The following RASEF variants were observed in gnomAD, a reference collection of about 807,000 sequenced individuals.
The protein encoded by RASEF is ras and EF-hand domain-containing protein.
In RASEF, 68 loss-of-function variants were observed where a neutral mutation model predicts 90.1. The ratio of observed to expected loss-of-function variants is 0.75; its 90% CI spans 0.62 to 0.92. RASEF has a LOEUF of 0.92. Ranked by LOEUF, RASEF falls within the 40% of genes least tolerant of loss-of-function variation. The pLI, the probability that RASEF is intolerant of heterozygous loss-of-function variation, is 0.00. For missense variants in RASEF, 949 were observed against 937.2 expected (o/e 1.01, Z -0.16); for synonymous variants, 331 against 345.2 (o/e 0.96, Z 0.46).
chr9:83,201,016 A>C, the RASEF span: 1 of 152,258 alleles, frequency 6.6e-6, no homozygotes, highest in African/African-American at 2.4e-5. Context: ...TGATCAAAGG[A>C]TCTAACAGAG....
intron 1 of RASEF, among the ~76,000 whole-genome samples, chr9:83,046,038 AAC>A (rs1039833673): frequency 2.6e-5 from 4 of 151,940 alleles, no homozygotes; most frequent in African/African-American, 9.7e-5. Context: ...AAAAAAAAAA[AAC>A]CCTGCAAAAT....
chr9:83,195,324 A>G, the RASEF span, among the ~76,000 whole-genome samples: 1 of 152,174 alleles, frequency 6.6e-6, no homozygotes, highest in Non-Finnish European at 1.5e-5. Context: ...TCTCTCTCCA[A>G]TATGCCTGAC....
Position 82,980,961 on chromosome 9 carries a change from G to C in RASEF, c.*1716C>G, listed in dbSNP as rs546917930. On this transcript the variant is annotated 3_prime_UTR_variant, in exon 17 of 17. Coordinates refer to ENST00000376447, the MANE Select transcript of RASEF (RefSeq NM_152573.4). Reference sequence around the variant, plus strand: ...TTTATAAAAGTTAAATGATGTTGTAGCTATTTATAATCTTTGCCTGTAACT... The same window carrying C: ...TTTATAAAAGTTAAATGATGTTGTACCTATTTATAATCTTTGCCTGTAACT... The C allele has an allele frequency of 1.2e-4, 18 of 152,140 alleles. No homozygotes were observed. The highest frequency in any genetic ancestry group is 1.5e-4 in the Non-Finnish European group (10 of 68,040). The allele number at this position is 152,140 out of a possible 1,614,324, so 9.4% of individuals were successfully genotyped here. A position where few individuals can be genotyped will look rare whatever the true frequency, so the allele number is the denominator to read the frequency against.
the RASEF span, among the ~76,000 whole-genome samples, chr9:83,089,897 GATA>G: frequency 2.1e-4 from 4 of 18,794 alleles, no homozygotes; most frequent in South Asian, 2.0e-3. Flanking sequence ...ATAGATGATA[GATA>G]GATAGATAGA....
intron 3 of RASEF, among the ~76,000 whole-genome samples, chr9:83,017,321 TAAA>T (rs1174147161): frequency 3.9e-5 from 5 of 128,206 alleles, no homozygotes; most frequent in Admixed American, 1.6e-4. Flanking sequence ...TCGTCTCTAC[TAAA>T]AAAAAAAAAA....
At chr9:83,216,022 C>A in the RASEF span, among the ~76,000 whole-genome samples, 1 of 152,116 alleles carries the variant, frequency 6.6e-6, no homozygotes, top group Non-Finnish European at 1.5e-5. Context: ...TGCCCCTGCC[C>A]CAGAGATCTG....
intron 6 of RASEF, among the ~76,000 whole-genome samples, chr9:83,009,074 T>C (rs1829190971): frequency 6.6e-6 from 1 of 150,848 alleles, no homozygotes; most frequent in South Asian, 2.1e-4. Context: ...CTGATTAAAG[T>C]TTGCAAACAA....
intron 1 of RASEF, among the ~76,000 whole-genome samples, chr9:83,038,825 A>T (rs990067523): frequency 1.3e-5 from 2 of 152,204 alleles, no homozygotes; most frequent in African/African-American, 4.8e-5. Context: ...TTCTCAAACA[A>T]GTCCTGGTTT....
chr9:83,128,324 T>C, the RASEF span, among the ~76,000 whole-genome samples: 2,196 of 152,268 alleles, frequency 0.014, 59 homozygotes, highest in African/African-American at 0.05. Flanking sequence ...ATCCTCAGAC[T>C]GGATTGAGAA....
the RASEF span, among the ~76,000 whole-genome samples, chr9:83,166,558 C>G: frequency 6.6e-6 from 1 of 152,170 alleles, no homozygotes; most frequent in Non-Finnish European, 1.5e-5. Context: ...AGAACCCAGA[C>G]AGCCGGGGTG....
At chr9:83,214,482 G>C in the RASEF span, among the ~76,000 whole-genome samples, 2 of 152,158 alleles carry the variant, frequency 1.3e-5, no homozygotes, top group Non-Finnish European at 2.9e-5. Flanking sequence ...TTAAATCCCA[G>C]GTCTACCATG....
the RASEF span, among the ~76,000 whole-genome samples, chr9:83,193,251 C>A: frequency 6.6e-6 from 1 of 152,154 alleles, no homozygotes; most frequent in African/African-American, 2.4e-5. Context: ...CATAGACCTA[C>A]ACTAGGGCAA....
intron 5 of RASEF, 139 bp downstream of exon 5, chr9:83,012,295 A>G: frequency 2.0e-6 from 1 of 493,608 alleles, no homozygotes; most frequent in Non-Finnish European, 3.6e-6. Flanking sequence ...AGTATCTTTG[A>G]TCAAAGTTAT....
the RASEF span, among the ~76,000 whole-genome samples, chr9:83,211,532 A>G: frequency 1.3e-5 from 2 of 152,232 alleles, no homozygotes; most frequent in African/African-American, 2.4e-5. Flanking sequence ...AGAACATTTC[A>G]TCTAGGCTGG....
chr9:82,987,345 C>A (rs758383073), intron 16 of RASEF, among the ~76,000 whole-genome samples: 5 of 152,118 alleles, frequency 3.3e-5, no homozygotes, highest in Non-Finnish European at 7.4e-5. Context: ...AAAACAAAAA[C>A]CTCTATGATA....
chr9:82,998,623 C>T lies in RASEF; in HGVS notation c.1724-177G>A, dbSNP rs528356468. 2.1e-4 allele frequency among the ~76,000 whole-genome samples: 32 copies of T among 152,290 alleles called. No homozygotes were observed. In the East Asian group the frequency reaches 2.1e-3, roughly 10 times the overall value. ...AATAGGAATGACAAGTCAGACCACACGTGTGTGCAGAGGCACCATCTGCAG... is the reference window on the plus strand; with the variant it reads ...AATAGGAATGACAAGTCAGACCACATGTGTGTGCAGAGGCACCATCTGCAG... On this transcript the variant is annotated intron_variant, in intron 12 of 16. Transcript: ENST00000376447.
chr9:83,191,825 A>C, the RASEF span, among the ~76,000 whole-genome samples: 1 of 152,214 alleles, frequency 6.6e-6, no homozygotes, highest in Admixed American at 6.5e-5. Flanking sequence ...ACGTTAGGGA[A>C]AGTTGGATGA....
At chr9:83,104,166 TAATATC>T in the RASEF span, among the ~76,000 whole-genome samples, 1 of 152,204 alleles carries the variant, frequency 6.6e-6, no homozygotes, top group Non-Finnish European at 1.5e-5. Flanking sequence ...ATATTGATCT[TAATATC>T]AATGAATTTT....
chr9:83,042,309 A>G (rs1829857789), intron 1 of RASEF, among the ~76,000 whole-genome samples: 1 of 152,218 alleles, frequency 6.6e-6, no homozygotes, highest in Admixed American at 6.5e-5. Flanking sequence ...ACAAAGCAGT[A>G]GTATTTGTTT....
Sources: allele counts gnomAD v4.1 joint callset (sites outside exome capture counted in the v4.1 genomes callset), GRCh38; gene constraint gnomAD v4.1.1; transcripts MANE v1.5; gene names NCBI Gene and HGNC (gene_info 2026-07-23, HGNC 2026-07-21).